Variants in MAGI2 observed in about 807,000 individuals in gnomAD.
MAGI2 encodes membrane-associated guanylate kinase, WW and PDZ domain-containing protein 2.
MAGI2 carries 35 observed loss-of-function variants against 133.3 expected under a neutral mutation model. The observed-to-expected ratio is 0.26, with a 90% CI of 0.20 to 0.35. The LOEUF (loss-of-function observed/expected upper bound fraction) is 0.35. Among genes scored for constraint, MAGI2 ranks in the 10% least tolerant of loss-of-function variants. The probability of loss-of-function intolerance (pLI) is 1.00; values close to 1 mark genes in which losing one functional copy is unlikely to be tolerated. For synonymous variants in MAGI2, 729 were observed against 710.6 expected (o/e 1.03, Z -0.41); for missense variants, 1,636 against 1,863.4 (o/e 0.88, Z 2.25).
intron 1 of MAGI2, among the ~76,000 whole-genome samples, chr7:79,399,090 CT>C (rs1337058211): frequency 9.9e-6 from 1 of 101,442 alleles, no homozygotes; most frequent in African/African-American, 5.1e-5. Flanking sequence ...TTTTTTTTTT[CT>C]TTTCTTTTTT....
chr7:79,440,700 A>C (rs1848439946), intron 1 of MAGI2, among the ~76,000 whole-genome samples: 1 of 152,186 alleles, frequency 6.6e-6, no homozygotes, highest in African/African-American at 2.4e-5. Context: ...GGTTTACATA[A>C]GTAAGAATTA....
chr7:78,840,805 T>G (rs940961929), intron 2 of MAGI2, among the ~76,000 whole-genome samples: 1 of 148,566 alleles, frequency 6.7e-6, no homozygotes, highest in Non-Finnish European at 1.5e-5. Context: ...TGTGTACCCT[T>G]GGGCAAATTA....
chr7:78,719,265 T>G (rs1820024609), intron 2 of MAGI2, among the ~76,000 whole-genome samples: 1 of 152,306 alleles, frequency 6.6e-6, no homozygotes, highest in East Asian at 1.9e-4. Flanking sequence ...AATAAACAAT[T>G]GAAGTCTTAC....
intron 1 of MAGI2, among the ~76,000 whole-genome samples, chr7:79,218,321 C>G (rs1238687987): frequency 6.6e-6 from 1 of 151,980 alleles, no homozygotes; most frequent in African/African-American, 2.4e-5. Flanking sequence ...AGGGATTTGA[C>G]AAATATTTGG....
At chr7:78,284,099 CAAG>C (rs1340542840) in intron 9 of MAGI2, among the ~76,000 whole-genome samples, 2 of 151,812 alleles carry the variant, frequency 1.3e-5, no homozygotes, top group Admixed American at 6.6e-5. Context: ...ACAGCACAAA[CAAG>C]AAAAAATTTA....
intron 1 of MAGI2, among the ~76,000 whole-genome samples, chr7:79,115,463 T>A (rs571086347): frequency 1.6e-3 from 242 of 152,308 alleles, no homozygotes; most frequent in African/African-American, 5.4e-3. Context: ...TTAGAAGATA[T>A]AGTTATAATT....
At chr7:78,053,781 C>T (rs1812271749) in intron 21 of MAGI2, among the ~76,000 whole-genome samples, 1 of 152,124 alleles carries the variant, frequency 6.6e-6, no homozygotes, top group Admixed American at 6.5e-5. Context: ...ATGACAAAAA[C>T]GCGAAGTGAG....
intron 2 of MAGI2, among the ~76,000 whole-genome samples, chr7:78,819,437 T>G (rs995915273): frequency 1.3e-5 from 2 of 152,128 alleles, no homozygotes; most frequent in African/African-American, 4.8e-5. Context: ...AACCTTTTTC[T>G]AGGTTTATCG....
chr7:78,880,840 T>A (rs1795787738), intron 2 of MAGI2, among the ~76,000 whole-genome samples: 1 of 152,082 alleles, frequency 6.6e-6, no homozygotes, highest in Non-Finnish European at 1.5e-5. Flanking sequence ...ATTTCTCACA[T>A]AATGACACCC....
chr7:78,462,818 C>A (rs892838379), intron 6 of MAGI2, among the ~76,000 whole-genome samples: 3 of 152,180 alleles, frequency 2.0e-5, no homozygotes, highest in Non-Finnish European at 4.4e-5. Context: ...CAGGAAGCCT[C>A]CTGCCTTGAC....
chr7:79,345,834 A>G (rs1841272823), intron 1 of MAGI2, among the ~76,000 whole-genome samples: 1 of 152,070 alleles, frequency 6.6e-6, no homozygotes, highest in Admixed American at 6.6e-5. Flanking sequence ...CAAGATTTTC[A>G]TTCATTTTGC....
At chr7:79,439,430 G>A (rs1261036362) in intron 1 of MAGI2, among the ~76,000 whole-genome samples, 1 of 146,972 alleles carries the variant, frequency 6.8e-6, no homozygotes, top group Non-Finnish European at 1.5e-5. Flanking sequence ...ATCCAATTAA[G>A]TCTTCAGACT....
chr7:78,255,026 A>G (rs1792819322), intron 10 of MAGI2: 1 of 152,290 alleles, frequency 6.6e-6, no homozygotes, highest in South Asian at 2.1e-4. Context: ...CAAATGGGAA[A>G]ACCAGGGCTT....
chr7:78,855,045 T>C (rs1793509290), intron 2 of MAGI2, among the ~76,000 whole-genome samples: 1 of 151,942 alleles, frequency 6.6e-6, no homozygotes, highest in Non-Finnish European at 1.5e-5. Flanking sequence ...TTTGTAGAGA[T>C]GCGGTTTCGC....
intron 10 of MAGI2, among the ~76,000 whole-genome samples, chr7:78,208,565 G>C (rs530725579): frequency 6.6e-6 from 1 of 152,272 alleles, no homozygotes; most frequent in East Asian, 1.9e-4. Context: ...GGGGAATAAA[G>C]AGAGAAACCT....
chr7:78,569,538 C>A (rs1801291910), intron 3 of MAGI2, among the ~76,000 whole-genome samples: 1 of 151,870 alleles, frequency 6.6e-6, no homozygotes, highest in African/African-American at 2.4e-5. Context: ...TTAAGTCCTG[C>A]CCAATATCAC....
chr7:78,410,192 A>G (rs1305818197), intron 6 of MAGI2, among the ~76,000 whole-genome samples: 2 of 152,104 alleles, frequency 1.3e-5, no homozygotes, highest in African/African-American at 2.4e-5. Flanking sequence ...TGATACAGGC[A>G]TAAGTAAAAT....
intron 6 of MAGI2, among the ~76,000 whole-genome samples, chr7:78,420,750 C>A (rs893072357): frequency 2.6e-5 from 4 of 152,084 alleles, no homozygotes; most frequent in African/African-American, 9.7e-5. Context: ...CAGTACTGCC[C>A]ATATCCTGGC....
chr7:78,380,570 GAGT>G (rs1451976980), intron 6 of MAGI2, among the ~76,000 whole-genome samples: 1 of 152,104 alleles, frequency 6.6e-6, no homozygotes, highest in African/African-American at 2.4e-5. Context: ...TGAATATATA[GAGT>G]AGAATGATGG....
Sources: allele counts gnomAD v4.1 joint callset (sites outside exome capture counted in the v4.1 genomes callset), GRCh38; gene constraint gnomAD v4.1.1; transcripts MANE v1.5; gene names NCBI Gene and HGNC (gene_info 2026-07-23, HGNC 2026-07-21).